TYSND1: variants seen among roughly 807,000 people sequenced by gnomAD.
TYSND1 encodes trypsin like peroxisomal matrix peptidase 1.
A neutral mutation model predicts 37.2 loss-of-function variants in TYSND1; 30 were observed. The ratio of observed to expected loss-of-function variants is 0.81; its 90% CI spans 0.60 to 1.09. The LOEUF (loss-of-function observed/expected upper bound fraction) is 1.09, where lower values mean the gene tolerates loss of function less well. Ranked by LOEUF, TYSND1 falls within the 50% of genes least tolerant of loss-of-function variation. The pLI, the probability that TYSND1 is intolerant of heterozygous loss-of-function variation, is 0.00. For missense variants in TYSND1, 806 were observed against 817.4 expected, an observed-to-expected ratio of 0.99 and a Z score of 0.17; for synonymous variants, 364 against 383.8, an observed-to-expected ratio of 0.95 and a Z score of 0.60.
rs1212785231 is a variant in TYSND1 at position 70,145,478 on chromosome 10, C to G, written c.1109G>C (p.Cys370Ser). 7 of 1,503,442 alleles carry G rather than the reference C, an allele frequency of 4.7e-6. No homozygotes were observed. Among genetic ancestry groups the G allele is most frequent in the Admixed American group, 2.2e-5 (1 of 45,118 alleles). The allele number at this position is 1,503,442 out of a possible 1,614,324, so 93.1% of individuals were successfully genotyped here. A position where few individuals can be genotyped will look rare whatever the true frequency, so the allele number is the denominator to read the frequency against. ...TGCTTCCCGAGGGGACACGTGCCGA[C>G]AGGTCACTACAAGGCGGGGTGCCAC... is the stretch of plus-strand genomic sequence containing the variant. Reference protein sequence around the residue: ...VAVAPRLVVTCRHVSPREAAR... With the variant: ...VAVAPRLVVTSRHVSPREAAR... The change falls in exon 1 of 4, where the codon TGT (cysteine) becomes TCT (serine). Residue 370 changes from cysteine to serine, a missense_variant. By Grantham distance (112) the Cys-to-Ser change is moderately radical. Transcript: ENST00000287078.
chr10:70,145,204 A>G (rs1452294375), intron 1 of TYSND1, among the ~76,000 whole-genome samples: 5 of 152,126 alleles, frequency 3.3e-5, no homozygotes, highest in Non-Finnish European at 2.9e-5. Context: ...CAGTACCCAA[A>G]TCCAGAGCTG....
At position 70,146,016 on chromosome 10, in the gene TYSND1, G is replaced by C. The variant is rs1239767277; in HGVS notation, c.571C>G (p.Arg191Gly). 3 of 1,597,310 alleles carry C rather than the reference G, an allele frequency of 1.9e-6. No individual in the cohort carries two copies. The highest frequency in any genetic ancestry group is 2.6e-6 in the Non-Finnish European group (3 of 1,173,114). The change falls in exon 1 of 4, where the codon CGG becomes GGG. Residue 191 changes from arginine to glycine, a missense_variant. Physicochemically the swap from Arg to Gly is moderately radical, Grantham distance 125. This residue lies in a region of TYSND1 where 708 missense variants were observed against 705.4 expected (regional missense o/e 1.00). Transcript: ENST00000287078. ...ALGWFALLGV[R>G]LGQEEVEEER... ...TCCTCCACCTCCTCCTGGCCTAGCC[G>C]CACGCCCAGCAGCGCAAACCAGCCC...
chr10:70,140,376 T>C (rs1045958140), intron 3 of TYSND1, among the ~76,000 whole-genome samples: 1 of 152,236 alleles, frequency 6.6e-6, no homozygotes, highest in African/African-American at 2.4e-5. Flanking sequence ...AGTTCACTTA[T>C]TTCACTTGTT....
chr10:70,144,752 G>A, intron 1 of TYSND1: 5 of 985,556 alleles, frequency 5.1e-6, no homozygotes, highest in Non-Finnish European at 6.0e-6. Flanking sequence ...AGTCATGGCT[G>A]TCCTATAGGC....
rs1195738482 is a variant in TYSND1 at position 70,143,970 on chromosome 10, C to A, written c.1169G>T (p.Ser390Ile). ...RVLVRSTTPK[S>I]VAIWGRVVFA... is the part of the protein sequence containing the mutation. ...TACCACACGGCCCCAGATGGCCACACTCCTGGGAGCAAGGGAAACAAATGA... is the reference window on the plus strand; with the variant it reads ...TACCACACGGCCCCAGATGGCCACAATCCTGGGAGCAAGGGAAACAAATGA... The change falls in exon 2 of 4, where the codon AGT (serine) becomes ATT (isoleucine). Residue 390 changes from serine (S) to isoleucine (I), a missense_variant and splice_region_variant. Around this residue, in one of 3 missense-constraint regions of TYSND1, gnomAD observed 708 missense variants for 705.4 expected, o/e 1.00. Coordinates refer to ENST00000287078, the MANE Select transcript of TYSND1 (RefSeq NM_173555.4). The A allele has an allele frequency of 1.2e-6, 2 of 1,614,080 alleles. No individual in the cohort carries two copies. Among genetic ancestry groups the A allele is most frequent in the Non-Finnish European group, 1.7e-6 (2 of 1,180,030 alleles).
At position 70,146,628 on chromosome 10, in the gene TYSND1, C is replaced by G; in HGVS notation, c.-42G>C. Reference sequence around the variant, plus strand: ...ACTCGGGAGCTTCTCCGAGAAACAGCAAGCTAGCGAGCGAGGACCCCTACC... The same window carrying G: ...ACTCGGGAGCTTCTCCGAGAAACAGGAAGCTAGCGAGCGAGGACCCCTACC... On this transcript the variant is annotated 5_prime_UTR_variant, in exon 1 of 4. Transcript: ENST00000287078. The G allele has an allele frequency of 1.4e-6, 2 of 1,459,030 alleles. No homozygotes were observed. Among genetic ancestry groups the G allele is most frequent in the Non-Finnish European group, 1.8e-6 (2 of 1,111,802 alleles). 90.4% of individuals were successfully genotyped at this position (1,459,030 alleles called of 1,614,324 possible).
At chr10:70,140,457 G>A (rs2072748747) in intron 3 of TYSND1, among the ~76,000 whole-genome samples, 1 of 152,156 alleles carries the variant, frequency 6.6e-6, no homozygotes, top group Non-Finnish European at 1.5e-5. Flanking sequence ...AGTCTCCCCA[G>A]TACCTGAAAC....
chr10:70,144,551 G>T, intron 1 of TYSND1: 3 of 987,654 alleles, frequency 3.0e-6, no homozygotes, highest in Non-Finnish European at 3.6e-6. Context: ...TCAACTCCCG[G>T]GGAGGCAGCT....
chr10:70,144,893 C>A, intron 1 of TYSND1: 1 of 534,618 alleles, frequency 1.9e-6, no homozygotes, highest in Non-Finnish European at 2.4e-6. Flanking sequence ...GCGTGGGCCA[C>A]CCCCCTACCT....
At chr10:70,144,671 G>A (rs955487167) in intron 1 of TYSND1, 3 of 985,900 alleles carry the variant, frequency 3.0e-6, no homozygotes, top group Non-Finnish European at 2.4e-6. Flanking sequence ...AGGGGCATGT[G>A]GGGGGAGTGG....
chr10:70,144,510 C>T (rs761595119), intron 1 of TYSND1: 18 of 987,732 alleles, frequency 1.8e-5, no homozygotes, highest in Non-Finnish European at 2.2e-5. Flanking sequence ...TAGCACACGA[C>T]GTGACAGGCT....
chr10:70,144,868 G>T, intron 1 of TYSND1: 2 of 871,660 alleles, frequency 2.3e-6, no homozygotes, highest in Non-Finnish European at 2.8e-6. Context: ...AGGCTGGGCT[G>T]AACCATGTAC....
chr10:70,140,891 C>T (rs1456383897), intron 3 of TYSND1, among the ~76,000 whole-genome samples: 1 of 152,174 alleles, frequency 6.6e-6, no homozygotes, highest in African/African-American at 2.4e-5. Flanking sequence ...CTCCTCCAAT[C>T]TGGGTCAGTT....
Position 70,140,027 on chromosome 10 carries a change from T to TG in TYSND1, c.1597dup (p.Gln533ProfsTer8). Reference sequence around the variant, plus strand: ...CAGCTCACGGAGGCCACCTAGGTCTTGGGTCTGGCTGTACTGCTGCAGGGC... The same window carrying TG: ...CAGCTCACGGAGGCCACCTAGGTCTTGGGGTCTGGCTGTACTGCTGCAGGGC... On this transcript the variant is annotated frameshift_variant, in exon 4 of 4. Transcript: ENST00000287078. LOFTEE classifies it high-confidence loss of function. 6.2e-7 allele frequency: 1 copy of TG among 1,614,192 alleles called. No individual in the cohort carries two copies. Among genetic ancestry groups the TG allele is most frequent in the Non-Finnish European group, 8.5e-7 (1 of 1,180,022 alleles).
Position 70,145,905 on chromosome 10 carries a change from C to G in TYSND1, c.682G>C (p.Ala228Pro). ...PLLVCGSPFG[A>P]FCPDIFLNTL... ...TTGAGAAAGATGTCGGGGCAGAAGG[C>G]GCCGAAAGGGGAGCCGCAGACCAGC... Residue 228 changes from alanine (A) to proline (P), a missense_variant, in exon 1 of 4, where the codon GCC becomes CCC. By Grantham distance (27) the Ala-to-Pro change is conservative. Coordinates refer to ENST00000287078, the MANE Select transcript of TYSND1 (RefSeq NM_173555.4). The G allele has an allele frequency of 6.5e-7, 1 of 1,548,500 alleles. No homozygotes were observed. Among genetic ancestry groups the G allele is most frequent in the Non-Finnish European group, 8.7e-7 (1 of 1,146,498 alleles).
Position 70,145,845 on chromosome 10 carries a change from C to A in TYSND1, c.742G>T (p.Gly248Cys). The change falls in exon 1 of 4, where the codon GGC becomes TGC. Residue 248 changes from glycine to cysteine, a missense_variant. This residue lies in a region of TYSND1 where 708 missense variants were observed against 705.4 expected (regional missense o/e 1.00). Coordinates refer to ENST00000287078, the MANE Select transcript of TYSND1 (RefSeq NM_173555.4). ...CGTGCGTCGGTAAGCAGCAGTGGGC[C>A]GGCCACGTTGCTGAGCACCCCGCAG... is the stretch of plus-strand genomic sequence containing the variant. ...LSCGVLSNVA[G>C]PLLLTDARCL... The A allele has an allele frequency of 6.5e-7, 1 of 1,540,158 alleles. No individual in the cohort carries two copies. The highest frequency in any genetic ancestry group is 8.7e-7 in the Non-Finnish European group (1 of 1,142,872).
Position 70,146,656 on chromosome 10 carries a change from G to T in TYSND1, c.-70C>A. Reference sequence around the variant, plus strand: ...GCTAGCGAGCGAGGACCCCTACCCGGTCCGGCTGAAGCTGCCTAGCGCCAC... The same window carrying T: ...GCTAGCGAGCGAGGACCCCTACCCGTTCCGGCTGAAGCTGCCTAGCGCCAC... On this transcript the variant is annotated 5_prime_UTR_variant, in exon 1 of 4. Coordinates refer to ENST00000287078, the MANE Select transcript of TYSND1 (RefSeq NM_173555.4). 1 of 1,391,244 alleles carries T rather than the reference G, an allele frequency of 7.2e-7. No homozygotes were observed. Among genetic ancestry groups the T allele is most frequent in the Non-Finnish European group, 9.4e-7 (1 of 1,069,104 alleles). 86.2% of individuals were successfully genotyped at this position (1,391,244 alleles called of 1,614,324 possible).
chr10:70,143,614 C>T (rs1470415446), intron 2 of TYSND1, among the ~76,000 whole-genome samples: 2 of 152,202 alleles, frequency 1.3e-5, no homozygotes, highest in Non-Finnish European at 2.9e-5. Flanking sequence ...CCCCAAAGGC[C>T]CAGCATCCTC....
chr10:70,140,200 A>G, intron 3 of TYSND1, 59 bp from the exon 4 acceptor site: 1 of 1,438,614 alleles, frequency 7.0e-7, no homozygotes. Context: ...AGGCTGGAGA[A>G]GGGAGGAGGA....
Sources: gnomAD v4.1 joint callset for allele counts (sites outside exome capture counted in the v4.1 genomes callset) on GRCh38, gnomAD v4.1.1 for gene constraint, gnomAD v4.1.1 regional missense constraint, MANE v1.5 for transcripts, NCBI Gene and HGNC (gene_info 2026-07-23, HGNC 2026-07-21) for gene names.